The following SPRY3 variants were observed in gnomAD, a reference collection of about 807,000 sequenced individuals.
SPRY3 encodes the protein protein sprouty homolog 3.
Under a neutral mutation model 20.2 loss-of-function variants are expected in SPRY3, and 15 were observed. That is an observed-to-expected ratio of 0.74 (90% CI 0.50 to 1.14). SPRY3 has a LOEUF of 1.14. Among genes scored for constraint, SPRY3 ranks in the 50% most tolerant of loss-of-function variants. The pLI, the probability that SPRY3 is intolerant of heterozygous loss-of-function variation, is 0.00. For missense variants in SPRY3, 364 were observed against 363.9 expected (o/e 1.00, Z 0.00); for synonymous variants, 143 against 136.5 (o/e 1.05, Z -0.33).
At position 155,660,198 on chromosome X, in the gene SPRY3, T is replaced by A. The variant is rs782655287; in HGVS notation, c.-282+3173T>A. Among the ~76,000 whole-genome samples, 3 of 111,741 alleles carry A rather than the reference T, an allele frequency of 2.7e-5. No homozygotes were observed. In the South Asian group the frequency reaches 1.1e-3, roughly 42 times the overall value. On this transcript the variant is annotated intron_variant, in intron 2 of 3. Transcript: ENST00000675360. Reference sequence around the variant, plus strand: ...CCCCCTTAGCGGTGTTTTTGCTGTATCCCAGGATCTTTGGTTCATTGTGTC... The same window carrying A: ...CCCCCTTAGCGGTGTTTTTGCTGTAACCCAGGATCTTTGGTTCATTGTGTC...
chrX:155,732,259 G>T (rs1267884464), intron 2 of SPRY3, among the ~76,000 whole-genome samples: 1 of 152,108 alleles, frequency 6.6e-6, no homozygotes, highest in African/African-American at 2.4e-5. Flanking sequence ...CAGCCTCAAA[G>T]AGTGTGTTTA....
chrX:155,703,898 A>C (rs1418187710), intron 2 of SPRY3, among the ~76,000 whole-genome samples: 1 of 151,888 alleles, frequency 6.6e-6, no homozygotes, highest in African/African-American at 2.4e-5. Context: ...ATAGACACAA[A>C]TTCTCTATAA....
At chrX:155,749,861 G>T (rs1430417241) in intron 2 of SPRY3, among the ~76,000 whole-genome samples, 1 of 151,704 alleles carries the variant, frequency 6.6e-6, no homozygotes, top group Admixed American at 6.6e-5. Flanking sequence ...TATTCAATTG[G>T]AGATTTTGAA....
intron 2 of SPRY3, among the ~76,000 whole-genome samples, chrX:155,692,964 A>T (rs1009138140): frequency 1.5e-4 from 16 of 108,659 alleles, no homozygotes; most frequent in African/African-American, 5.3e-4. Flanking sequence ...TCTTTAGTTG[A>T]TCTTTAATTT....
At chrX:155,747,436 A>G (rs1377140967) in intron 2 of SPRY3, among the ~76,000 whole-genome samples, 1 of 151,976 alleles carries the variant, frequency 6.6e-6, no homozygotes, top group Non-Finnish European at 1.5e-5. Context: ...TTAAAATATC[A>G]TATTATTAAA....
chrX:155,644,105 A>G (rs5983755), intron 1 of SPRY3, among the ~76,000 whole-genome samples: 141 of 110,916 alleles, frequency 1.3e-3, no homozygotes, highest in African/African-American at 4.5e-3. Context: ...TGGGAAAGTT[A>G]TTATTTCTCT....
intron 2 of SPRY3, among the ~76,000 whole-genome samples, chrX:155,751,166 G>C (rs2091260363): frequency 6.6e-6 from 1 of 151,794 alleles, no homozygotes; most frequent in Non-Finnish European, 1.5e-5. Flanking sequence ...GGCTTGAAAA[G>C]GGGATGCTGA....
intron 2 of SPRY3, among the ~76,000 whole-genome samples, chrX:155,766,867 G>T (rs1339881925): frequency 6.6e-6 from 1 of 152,174 alleles, no homozygotes; most frequent in African/African-American, 2.4e-5. Flanking sequence ...GTTGGGTAAT[G>T]GTTTCCCAGT....
At chrX:155,755,602 C>T (rs1444430785) in intron 2 of SPRY3, among the ~76,000 whole-genome samples, 1 of 152,026 alleles carries the variant, frequency 6.6e-6, no homozygotes, top group Non-Finnish European at 1.5e-5. Context: ...TATAAAATAC[C>T]TGAAACAATA....
At chrX:155,760,275 A>G (rs1410203526) in intron 2 of SPRY3, among the ~76,000 whole-genome samples, 1 of 152,232 alleles carries the variant, frequency 6.6e-6, no homozygotes, top group Admixed American at 6.5e-5. Context: ...ACTGAGGCTC[A>G]GAGGCTTAAG....
intron 2 of SPRY3, among the ~76,000 whole-genome samples, chrX:155,660,609 T>A (rs1161031802): frequency 1.8e-5 from 2 of 111,659 alleles, no homozygotes; most frequent in African/African-American, 3.3e-5. Context: ...GTCTAGTGCT[T>A]TCAATGAGGT....
At chrX:155,761,439 A>G (rs1479472132) in intron 2 of SPRY3, among the ~76,000 whole-genome samples, 2 of 151,994 alleles carry the variant, frequency 1.3e-5, no homozygotes, top group African/African-American at 4.8e-5. Context: ...TATTTTCTTT[A>G]TCCAGTCTAC....
intron 2 of SPRY3, among the ~76,000 whole-genome samples, chrX:155,661,160 T>C (rs1229687274): frequency 1.8e-5 from 2 of 112,324 alleles, no homozygotes; most frequent in African/African-American, 6.5e-5. Context: ...CTTATGATGG[T>C]GGATATCATT....
At chrX:155,710,930 G>A (rs1396670942) in intron 2 of SPRY3, among the ~76,000 whole-genome samples, 1 of 151,454 alleles carries the variant, frequency 6.6e-6, no homozygotes, top group Non-Finnish European at 1.5e-5. Flanking sequence ...ATGATCATAT[G>A]GTTTTTGTCC....
intron 1 of SPRY3, among the ~76,000 whole-genome samples, chrX:155,656,282 G>A (rs1437401967): frequency 9.0e-6 from 1 of 111,166 alleles, no homozygotes; most frequent in Non-Finnish European, 1.9e-5. Context: ...ATTTCTTGGA[G>A]GCTTTGTTTG....
chrX:155,767,132 G>A (rs1417667927), intron 2 of SPRY3, among the ~76,000 whole-genome samples: 8 of 152,074 alleles, frequency 5.3e-5, no homozygotes, highest in Admixed American at 5.2e-4. Context: ...AGATTCCTAT[G>A]GGGAGTTTTA....
At chrX:155,680,923 T>G (rs2068072580) in intron 2 of SPRY3, among the ~76,000 whole-genome samples, 1 of 112,075 alleles carries the variant, frequency 8.9e-6, no homozygotes, top group African/African-American at 3.2e-5. Flanking sequence ...TGCCACTAAC[T>G]GTGCCTCTGT....
At chrX:155,673,020 AC>A (rs1389925965) in intron 2 of SPRY3, among the ~76,000 whole-genome samples, 4 of 81,921 alleles carry the variant, frequency 4.9e-5, no homozygotes, top group African/African-American at 1.8e-4. Flanking sequence ...AACAATGAGA[AC>A]ACATGGACAC....
At chrX:155,627,100 C>T (rs781957749) in intron 1 of SPRY3, among the ~76,000 whole-genome samples, 1 of 111,222 alleles carries the variant, frequency 9.0e-6, no homozygotes, top group Non-Finnish European at 1.9e-5. Context: ...AATGCAACAT[C>T]CAATCTCTTA....
Sources: gnomAD v4.1 joint callset for allele counts (sites outside exome capture counted in the v4.1 genomes callset) on GRCh38, gnomAD v4.1.1 for gene constraint, MANE v1.5 for transcripts, NCBI Gene and HGNC (gene_info 2026-07-23, HGNC 2026-07-21) for gene names.